The following SYCP1 variants were observed in gnomAD, a reference collection of about 807,000 sequenced individuals.
SYCP1 encodes the protein cancer/testis antigen 8.
Under a neutral mutation model 153.1 loss-of-function variants are expected in SYCP1, and 64 were observed. The observed-to-expected ratio is 0.42, with a 90% confidence interval of 0.34 to 0.51. The LOEUF is 0.51. Among genes scored for constraint, SYCP1 ranks in the 20% least tolerant of loss-of-function variants. The pLI is 0.06. For missense variants in SYCP1, 997 were observed against 1,049.0 expected, an observed-to-expected ratio of 0.95 and a Z score of 0.68; for synonymous variants, 384 against 341.8, an observed-to-expected ratio of 1.12 and a Z score of -1.36.
intron 20 of SYCP1, among the ~76,000 whole-genome samples, chr1:114,916,073 A>G (rs879817237): frequency 1.2e-4 from 19 of 152,190 alleles, no homozygotes; most frequent in Non-Finnish European, 2.2e-4. Flanking sequence ...CCATAGGTGT[A>G]CCCACTCTAT....
At chr1:114,871,420 C>T (rs1482377688) in intron 8 of SYCP1, among the ~76,000 whole-genome samples, 2 of 151,934 alleles carry the variant, frequency 1.3e-5, no homozygotes, top group African/African-American at 4.8e-5. Context: ...CACCCTCCTC[C>T]ACCTCCCAAA....
intron 16 of SYCP1, among the ~76,000 whole-genome samples, chr1:114,908,941 G>A (rs1019431657): frequency 7.2e-5 from 11 of 152,068 alleles, no homozygotes; most frequent in African/African-American, 2.7e-4. Flanking sequence ...ATATTATGTA[G>A]ATTCTGTTAC....
chr1:114,947,295 A>T lies in SYCP1; in HGVS notation c.2297A>T (p.Gln766Leu), dbSNP rs779115497. 13 of 1,613,180 alleles carry T rather than the reference A, an allele frequency of 8.1e-6. No homozygotes were observed. In the East Asian group the frequency reaches 2.7e-4, roughly 33 times the overall value. Residue 766 changes from glutamine to leucine, a missense_variant, in exon 27 of 32, where the codon CAA becomes CTA. Physicochemically the swap from Gln to Leu is moderately radical, Grantham distance 113. Coordinates refer to ENST00000369522, the MANE Select transcript of SYCP1 (RefSeq NM_003176.4). Reference protein sequence around the residue: ...LKAELLSVKKQLEIEREEKEK... With the variant: ...LKAELLSVKKLLEIEREEKEK... ...GCTGAACTTTTGTCTGTTAAGAAGCAACTTGAAATAGAAAGAGAAGAGAAG... is the reference window on the plus strand; with the variant it reads ...GCTGAACTTTTGTCTGTTAAGAAGCTACTTGAAATAGAAAGAGAAGAGAAG...
At chr1:114,937,805 A>C (rs961749337) in intron 23 of SYCP1, among the ~76,000 whole-genome samples, 4 of 152,240 alleles carry the variant, frequency 2.6e-5, no homozygotes, top group African/African-American at 7.2e-5. Flanking sequence ...GATGCTCATC[A>C]TCACTGGCCA....
chr1:114,913,012 A>T (rs1259765256), intron 18 of SYCP1, 21 bp from the exon 19 acceptor site: 3 of 1,483,136 alleles, frequency 2.0e-6, no homozygotes, highest in Non-Finnish European at 2.8e-6. Flanking sequence ...TTTTGGTATG[A>T]CTTTTTTTTT....
At chr1:114,985,369 AGG>A (rs1459158728) in intron 30 of SYCP1, among the ~76,000 whole-genome samples, 1 of 152,002 alleles carries the variant, frequency 6.6e-6, no homozygotes, top group Non-Finnish European at 1.5e-5. Context: ...ATGTTTAAGC[AGG>A]CTATTTCCTC....
chr1:114,950,886 G>A (rs1300779456), intron 27 of SYCP1, among the ~76,000 whole-genome samples: 1 of 150,114 alleles, frequency 6.7e-6, no homozygotes, highest in Non-Finnish European at 1.5e-5. Context: ...GTGCAGTGGT[G>A]CAATCTCAGC....
At chr1:114,965,033 T>C (rs1672028074) in intron 27 of SYCP1, among the ~76,000 whole-genome samples, 1 of 152,228 alleles carries the variant, frequency 6.6e-6, no homozygotes, top group Non-Finnish European at 1.5e-5. Context: ...TCCTCTCTTA[T>C]TTCCTTGAGC....
chr1:114,936,290 AAAGAC>A (rs1441329011), intron 23 of SYCP1, among the ~76,000 whole-genome samples: 1 of 152,220 alleles, frequency 6.6e-6, no homozygotes, highest in Non-Finnish European at 1.5e-5. Context: ...AAACAGAACC[AAAGAC>A]AAAAATCGCA....
intron 23 of SYCP1, among the ~76,000 whole-genome samples, chr1:114,933,591 A>G (rs1669782932): frequency 6.6e-6 from 1 of 152,134 alleles, no homozygotes; most frequent in Admixed American, 6.6e-5. Flanking sequence ...ATGATCAGTA[A>G]TAACAAACTT....
intron 12 of SYCP1, among the ~76,000 whole-genome samples, chr1:114,881,894 T>C (rs1252821539): frequency 1.3e-5 from 2 of 152,212 alleles, no homozygotes; most frequent in Non-Finnish European, 2.9e-5. Context: ...ATTTACAGTA[T>C]AATATGTTAA....
At chr1:114,969,829 A>G (rs1672363107) in intron 27 of SYCP1, among the ~76,000 whole-genome samples, 1 of 152,150 alleles carries the variant, frequency 6.6e-6, no homozygotes. Context: ...TAAGAAAAAC[A>G]TAGTATCTGG....
Position 114,946,232 on chromosome 1 carries a change from A to T in SYCP1, c.2155-57A>T. The T allele has an allele frequency of 6.5e-6, 5 of 773,680 alleles. No individual in the cohort carries two copies. The Admixed American group carries it at 9.4e-5, about 15-fold the overall frequency. 47.9% of individuals were successfully genotyped at this position (773,680 alleles called of 1,614,324 possible). A position where few individuals can be genotyped will look rare whatever the true frequency, so the allele number is the denominator to read the frequency against. Reference sequence around the variant, plus strand: ...AAATATTAAAATATGTTAGGATACCAATCTTATAATCTATTCAGTTTTAAT... The same window carrying T: ...AAATATTAAAATATGTTAGGATACCTATCTTATAATCTATTCAGTTTTAAT... On this transcript the variant is annotated intron_variant, in intron 25 of 31. Transcript: ENST00000369522.
At position 114,994,990 on chromosome 1, in the gene SYCP1, C is replaced by T. The variant is rs966992956; in HGVS notation, c.2902C>T (p.Leu968=). Residue 968 remains leucine (L), a synonymous_variant, in exon 32 of 32, where the codon CTA becomes TTA. Transcript: ENST00000369522. ...TGCTAAAATGGATAGAAAAAAAAAA[C>T]TAAAAGAAGCTGAAAAGTTATTTGT... The part of the protein sequence containing the change: ...VIAKMDRKKK[L]KEAEKLFV 1 of 1,596,058 alleles carries T rather than the reference C, an allele frequency of 6.3e-7. No homozygotes were observed. The highest frequency in any genetic ancestry group is 1.4e-5 in the African/African-American group (1 of 73,474).
rs1664313580 is a variant in SYCP1, at chr1:114,860,740, A to G, written c.529A>G (p.Asn177Asp). 2 of 1,594,124 alleles carry G rather than the reference A, an allele frequency of 1.3e-6. No individual in the cohort carries two copies. Among genetic ancestry groups the G allele is most frequent in the East Asian group, 4.5e-5 (2 of 44,166 alleles). ...AAACTCTTTCCTTTGTTTCAGGAAT[A>G]ATGCCACAAGGCATTTATGTAATCT... ...QENKDLIKEN[N>D]ATRHLCNLLK... The change falls in exon 8 of 32, where the codon AAT (asparagine) becomes GAT (aspartate). Residue 177 changes from asparagine to aspartate, a missense_variant. This residue lies in a region of SYCP1 where 285 missense variants were observed against 366.1 expected (regional missense o/e 0.78). Transcript: ENST00000369522.
chr1:114,990,612 T>C (rs1673854691), intron 30 of SYCP1, among the ~76,000 whole-genome samples: 1 of 151,742 alleles, frequency 6.6e-6, no homozygotes, highest in Admixed American at 6.6e-5. Flanking sequence ...AAATTAAAAA[T>C]GAAAGTGGGG....
At position 114,887,132 on chromosome 1, in the gene SYCP1, A is replaced by T. The variant is rs114717037; in HGVS notation, c.1191-494A>T. 4.1e-3 allele frequency among the ~76,000 whole-genome samples: 624 copies of T among 152,106 alleles called. 6 individuals are homozygous for T. Among genetic ancestry groups the T allele is most frequent in the African/African-American group, 0.014 (574 of 41,536 alleles). On this transcript the variant is annotated intron_variant, in intron 14 of 31. Transcript: ENST00000369522. ...AGCTCCCCTAATTTATATATTTTTG[A>T]TTGACCTATCCAGTGATTTTTCATT... is the stretch of plus-strand genomic sequence containing the variant.
chr1:114,952,650 C>A (rs558066725), intron 27 of SYCP1, among the ~76,000 whole-genome samples: 1 of 152,252 alleles, frequency 6.6e-6, no homozygotes, highest in Admixed American at 6.5e-5. Flanking sequence ...CTCACTGTCA[C>A]GAGAACAGCA....
intron 27 of SYCP1, 109 bp from the exon 28 acceptor site, chr1:114,977,448 A>AG: frequency 1.6e-6 from 1 of 643,664 alleles, no homozygotes; most frequent in Non-Finnish European, 2.5e-6. Context: ...TAAGATTGAG[A>AG]GGTTCGTCAT....
Sources: allele counts gnomAD v4.1 joint callset (sites outside exome capture counted in the v4.1 genomes callset), GRCh38; gene constraint gnomAD v4.1.1; regional missense constraint gnomAD v4.1.1; transcripts MANE v1.5; gene names NCBI Gene and HGNC (gene_info 2026-07-23, HGNC 2026-07-21).